The following INF2 variants were observed in gnomAD, a reference collection of about 807,000 sequenced individuals.
INF2 encodes the protein inverted formin-2.
A neutral mutation model predicts 123.5 loss-of-function variants in INF2; 43 were observed. The observed-to-expected ratio is 0.35, with a 90% CI of 0.27 to 0.45. INF2 has a LOEUF of 0.45. INF2 is among the 20% of genes least tolerant of loss of function. The pLI, the probability that INF2 is intolerant of heterozygous loss-of-function variation, is 1.00. For missense variants in INF2, 1,453 were observed against 1,682.7 expected (o/e 0.86, Z 2.39); for synonymous variants, 851 against 745.0 (o/e 1.14, Z -2.32).
intron 6 of INF2, among the ~76,000 whole-genome samples, 168 bp downstream of exon 6, chr14:104,706,344 G>C (rs1345030342): frequency 6.6e-6 from 1 of 152,190 alleles, no homozygotes; most frequent in Non-Finnish European, 1.5e-5. Context: ...AAGGACCCAG[G>C]GGTTGGAAAG....
intron 1 of INF2, among the ~76,000 whole-genome samples, chr14:104,696,621 G>A (rs1338601018): frequency 4.6e-5 from 7 of 152,186 alleles, no homozygotes; most frequent in Non-Finnish European, 8.8e-5. Context: ...TCAGCTCCAG[G>A]TGCCTCCACC....
chr14:104,698,866 C>G (rs1031644976), intron 1 of INF2, among the ~76,000 whole-genome samples: 3 of 152,374 alleles, frequency 2.0e-5, no homozygotes, highest in South Asian at 4.1e-4. Flanking sequence ...CTGTTACACT[C>G]ACTGCCCCCA....
rs36033813 is a variant in INF2 at position 104,703,277 on chromosome 14, A to AC, written c.508-14dup. Reference sequence around the variant, plus strand: ...GGGCTCCCTGCCTGGGTGTGCCCTGACCCCGCCCTCCCCACAGACGGTGTG... The same window carrying AC: ...GGGCTCCCTGCCTGGGTGTGCCCTGACCCCCGCCCTCCCCACAGACGGTGTG... On this transcript the variant is annotated splice_polypyrimidine_tract_variant and intron_variant, in intron 3 of 22. Coordinates refer to ENST00000392634, the MANE Select transcript of INF2 (RefSeq NM_022489.4). 1 of 1,612,264 alleles carries AC rather than the reference A, an allele frequency of 6.2e-7. No individual in the cohort carries two copies. The highest frequency in any genetic ancestry group is 8.5e-7 in the Non-Finnish European group (1 of 1,179,358).
At chr14:104,688,007 TCCAGGAGTGCA>T (rs1053033423), upstream of INF2, among the ~76,000 whole-genome samples, 13 of 152,148 alleles carry the variant, frequency 8.5e-5, no homozygotes, top group Non-Finnish European at 1.9e-4. Context: ...AATGTTCGGG[TCCAGGAGTGCA>T]CCAGGAGACC....
Position 104,699,393 on chromosome 14 carries a change from C to T in INF2, c.-9-1964C>T, listed in dbSNP as rs185531403. 1.1e-5 allele frequency: 11 copies of T among 985,296 alleles called. No homozygotes were observed. In the East Asian group the frequency reaches 6.8e-4, roughly 61 times the overall value. The allele number at this position is 985,296 out of a possible 1,614,324, so 61.0% of individuals were successfully genotyped here. A position where few individuals can be genotyped will look rare whatever the true frequency, so the allele number is the denominator to read the frequency against. ...GCGGGTGGGAATATATGCAGAGGCCCGGCTGCCTGGCTCTTCATGGTGGTG... is the reference window on the plus strand; with the variant it reads ...GCGGGTGGGAATATATGCAGAGGCCTGGCTGCCTGGCTCTTCATGGTGGTG... On this transcript the variant is annotated intron_variant, in intron 1 of 22. Coordinates refer to ENST00000392634, the MANE Select transcript of INF2 (RefSeq NM_022489.4). This position sits in a 1 kb window ranked among gnomAD's most constrained non-coding sequence, Gnocchi z 4.7.
In INF2 at chr14:104,707,927, C is replaced by T. The variant is rs1566782111; in HGVS notation, c.1660C>T (p.His554Tyr). The T allele has an allele frequency of 6.2e-7, 1 of 1,600,720 alleles. No homozygotes were observed. The highest frequency in any genetic ancestry group is 1.1e-5 in the South Asian group (1 of 91,068). Residue 554 changes from histidine (H) to tyrosine (Y), a missense_variant, in exon 8 of 23, where the codon CAT becomes TAT. His to Tyr is a moderately conservative substitution (Grantham distance 83). Coordinates refer to ENST00000392634, the MANE Select transcript of INF2 (RefSeq NM_022489.4). ...CTTGGGCTCAGCATGGGTCCCCAGC[C>T]ATCGGCGGGTGAACCCACCCACACT... is the stretch of plus-strand genomic sequence containing the variant. ...HGLGSAWVPS[H>Y]RRVNPPTLRM...
rs751949801 is a variant in INF2 at position 104,708,521 on chromosome 14, C to A, written c.1821C>A (p.Ser607=). 2.5e-5 allele frequency: 40 copies of A among 1,612,406 alleles called. No homozygotes were observed. Among genetic ancestry groups the A allele is most frequent in the Non-Finnish European group, 3.2e-5 (38 of 1,179,818 alleles). The stretch of plus-strand genomic sequence containing the variant: ...TCTCCAGCATCGAGCGACTATTCTC[C>A]TTCCCTGCAGCCAAGCCCAAGGAGC... ...PDFSSIERLF[S]FPAAKPKEPT... Residue 607 remains serine, a synonymous_variant, in exon 9 of 23, where the codon TCC becomes TCA. Coordinates refer to ENST00000392634, the MANE Select transcript of INF2 (RefSeq NM_022489.4).
In INF2 at chr14:104,707,365, G is replaced by A. The variant is rs771419031; in HGVS notation, c.1098G>A (p.Gln366=). The A allele has an allele frequency of 6.3e-7, 1 of 1,596,428 alleles. No individual in the cohort carries two copies. Among genetic ancestry groups the A allele is most frequent in the South Asian group, 1.1e-5 (1 of 88,184 alleles). The change falls in exon 8 of 23, where the codon CAG becomes CAA. Residue 366 remains glutamine, a synonymous_variant. Coordinates refer to ENST00000392634, the MANE Select transcript of INF2 (RefSeq NM_022489.4). ...AHKSVQANLD[Q]SQRGSSPQNT... is the part of the protein sequence containing the mutation. The stretch of plus-strand genomic sequence containing the variant: ...AAAGCGTCCAGGCCAACCTAGACCA[G>A]AGCCAGAGGGGCAGCTCCCCGCAAA...
At chr14:104,708,398 G>A in intron 8 of INF2, 38 bp from the exon 9 acceptor site, 1 of 1,606,994 alleles carries the variant, frequency 6.2e-7, no homozygotes. Context: ...AGGCCCCGGG[G>A]CTGCGAGAGC....
chr14:104,687,877 C>T (rs1888710504), upstream of INF2, among the ~76,000 whole-genome samples: 1 of 152,242 alleles, frequency 6.6e-6, no homozygotes. The surrounding 1 kb of genome is among the most constrained non-coding windows in gnomAD (Gnocchi z 5.6). Flanking sequence ...CACATTCCTC[C>T]ATTCACTGGA....
rs1890449927 is a variant in INF2 at position 104,719,032 on chromosome 14, C to T, written c.*239C>T. 1.0e-6 allele frequency: 1 copy of T among 965,406 alleles called. No individual in the cohort carries two copies. Among genetic ancestry groups the T allele is most frequent in the Non-Finnish European group, 1.4e-6 (1 of 690,648 alleles). 59.8% of individuals were successfully genotyped at this position (965,406 alleles called of 1,614,324 possible). On this transcript the variant is annotated 3_prime_UTR_variant, in exon 23 of 23. Transcript: ENST00000392634. ...CTCCTGGACCGCCTGCACGTGCCAG[C>T]CTCCCACCTGCTTCCTAAAGGCAAC...
Position 104,717,295 on chromosome 14 carries a change from TC to T in INF2, c.*2-1491del, listed in dbSNP as rs35581629. The stretch of plus-strand genomic sequence containing the variant: ...GCAGGGTGCGCTGCCGTCCTCCCAG[TC>T]CCCCCCCCGGGCAGGGCGCGCTGCC... On this transcript the variant is annotated intron_variant, in intron 22 of 22. Coordinates refer to ENST00000392634, the MANE Select transcript of INF2 (RefSeq NM_022489.4). 1.5e-4 allele frequency among the ~76,000 whole-genome samples: 14 copies of T among 92,154 alleles called. 1 individual carries two copies. Among genetic ancestry groups the T allele is most frequent in the South Asian group, 3.7e-4 (1 of 2,736 alleles). The allele number at this position is 92,154 out of a possible 152,430, so 60.5% of individuals were successfully genotyped here.
upstream of INF2, chr14:104,689,188 C>G (rs985509736): frequency 1.0e-6 from 1 of 984,846 alleles, no homozygotes; most frequent in Admixed American, 6.1e-5. Context: ...GATCCCCGAA[C>G]GCGGGGACTC....
intron 4 of INF2, among the ~76,000 whole-genome samples, 168 bp from the exon 5 acceptor site, chr14:104,703,748 G>A (rs118174518): frequency 6.6e-6 from 1 of 152,170 alleles, no homozygotes; most frequent in African/African-American, 2.4e-5. Flanking sequence ...AGTGAGCCCT[G>A]AGTAAGCATC....
chr14:104,707,539 C>A lies in INF2; in HGVS notation c.1272C>A (p.Pro424=). Residue 424 remains proline, a synonymous_variant, in exon 8 of 23, where the codon CCC becomes CCA. Coordinates refer to ENST00000392634, the MANE Select transcript of INF2 (RefSeq NM_022489.4). ...LEQQASTPPP[P]PPPPLLPGSS... ...AGCAGGCGTCCACCCCACCCCCACC[C>A]CCACCCCCACCCCTGCTCCCTGGTT... The A allele has an allele frequency of 8.0e-7, 1 of 1,252,388 alleles. No homozygotes were observed. 77.6% of individuals were successfully genotyped at this position (1,252,388 alleles called of 1,614,324 possible). A position where few individuals can be genotyped will look rare whatever the true frequency, so the allele number is the denominator to read the frequency against.
At chr14:104,710,681 C>A in intron 13 of INF2, 1 of 567,096 alleles carries the variant, frequency 1.8e-6, no homozygotes. Flanking sequence ...CTGCCACAGC[C>A]ACTGGGCAGG....
chr14:104,700,495 G>A (rs560358751), intron 1 of INF2, among the ~76,000 whole-genome samples: 1 of 152,154 alleles, frequency 6.6e-6, no homozygotes, highest in Non-Finnish European at 1.5e-5. Flanking sequence ...GAGGGCCTGG[G>A]ATGCCCCTGA....
At chr14:104,681,556 C>T in exon 1 of INF2, 1 of 1,289,094 alleles carries the variant, frequency 7.8e-7, no homozygotes. Flanking sequence ...CACTGGATTT[C>T]CACTTCAATT....
In INF2 at chr14:104,701,569, C is replaced by G. The variant is rs1217110695; in HGVS notation, c.204C>G (p.Phe68Leu). The change falls in exon 2 of 23, where the codon TTC becomes TTG. Residue 68 changes from phenylalanine to leucine, a missense_variant. Physicochemically the swap from Phe to Leu is conservative, Grantham distance 22 (BLOSUM62 0). Coordinates refer to ENST00000392634, the MANE Select transcript of INF2 (RefSeq NM_022489.4). ...EGSDGGWMVQFLEQSGLDLLL... is the reference protein window; with the variant it reads ...EGSDGGWMVQLLEQSGLDLLL... ...GCGACGGCGGCTGGATGGTGCAGTT[C>G]CTGGAGCAGAGCGGCCTGGACCTGC... The G allele has an allele frequency of 6.2e-7, 1 of 1,608,378 alleles. No homozygotes were observed. The highest frequency in any genetic ancestry group is 8.5e-7 in the Non-Finnish European group (1 of 1,179,138).
Sources: allele counts gnomAD v4.1 joint callset (sites outside exome capture counted in the v4.1 genomes callset), GRCh38; gene constraint gnomAD v4.1.1; non-coding constraint Gnocchi (gnomAD v3.1); transcripts MANE v1.5; gene names NCBI Gene and HGNC (gene_info 2026-07-23, HGNC 2026-07-21).